ZNF106: variants seen among roughly 807,000 people sequenced by gnomAD.
ZNF106 encodes the protein zinc finger protein 106, also known as SH3-domain binding protein 3.
A neutral mutation model predicts 195.1 loss-of-function variants in ZNF106; 67 were observed. That is an observed-to-expected ratio of 0.34 (90% CI 0.28 to 0.42). The LOEUF (loss-of-function observed/expected upper bound fraction) is 0.42, where lower values mean the gene tolerates loss of function less well. ZNF106 is among the 10% of genes least tolerant of loss of function. The pLI is 1.00. For missense variants in ZNF106, 2,118 were observed against 2,304.5 expected (o/e 0.92, Z 1.66); for synonymous variants, 784 against 818.6 (o/e 0.96, Z 0.72).
In ZNF106 at chr15:42,417,149, C is replaced by T; in HGVS notation, c.*155G>A. 1.5e-6 allele frequency: 1 copy of T among 677,642 alleles called. No individual in the cohort carries two copies. The highest frequency in any genetic ancestry group is 2.5e-6 in the Non-Finnish European group (1 of 400,662). 42.0% of individuals were successfully genotyped at this position (677,642 alleles called of 1,614,324 possible). On this transcript the variant is annotated 3_prime_UTR_variant, in exon 22 of 22. Transcript: ENST00000564754. ...AACTTAAAAGTGTAATTTATCATCC[C>T]ATAGAGCTGCCCAGACTTATGCTAG... is the stretch of plus-strand genomic sequence containing the variant.
intron 3 of ZNF106, among the ~76,000 whole-genome samples, chr15:42,458,215 C>A (rs2056295120): frequency 6.6e-6 from 1 of 151,672 alleles, no homozygotes; most frequent in African/African-American, 2.4e-5. Flanking sequence ...AAAAAACCAA[C>A]AACCCAAAAG....
intron 20 of ZNF106, among the ~76,000 whole-genome samples, chr15:42,420,590 A>T (rs1177910498): frequency 2.6e-5 from 4 of 151,444 alleles, no homozygotes; most frequent in Non-Finnish European, 5.9e-5. Context: ...AGAACTGACG[A>T]AAAAAAAATT....
chr15:42,437,234 C>T lies in ZNF106; in HGVS notation c.4744G>A (p.Val1582Met). 3 of 1,610,290 alleles carry T rather than the reference C, an allele frequency of 1.9e-6. No individual in the cohort carries two copies. Among genetic ancestry groups the T allele is most frequent in the Non-Finnish European group, 2.5e-6 (3 of 1,178,528 alleles). Residue 1582 changes from valine to methionine, a missense_variant and splice_region_variant, in exon 13 of 22, where the codon GTG becomes ATG. Physicochemically the swap from Val to Met is conservative, Grantham distance 21. Transcript: ENST00000564754. ...TTCTACATGTTCTATCAACTTACCA[C>T]CAGATTATAAACCCGAACAGTTTTA... is the stretch of plus-strand genomic sequence containing the variant. Reference protein sequence around the residue: ...ADKTVRVYNLVSRKCIGVFEG... With the variant: ...ADKTVRVYNLMSRKCIGVFEG...
At chr15:42,446,850 A>G (rs2055793337) in intron 6 of ZNF106, among the ~76,000 whole-genome samples, 192 bp from the exon 7 acceptor site, 1 of 152,252 alleles carries the variant, frequency 6.6e-6, no homozygotes, top group Admixed American at 6.5e-5. Flanking sequence ...TGATTTAAAA[A>G]AAAAGAATCC....
At position 42,417,345 on chromosome 15, in the gene ZNF106, T is replaced by C. The variant is rs2054494736; in HGVS notation, c.5680A>G (p.Ile1894Val). The change falls in exon 22 of 22, where the codon ATT becomes GTT. Residue 1894 changes from isoleucine (I) to valine (V), a missense_variant. Ile to Val is a conservative substitution (Grantham distance 29). Coordinates refer to ENST00000564754, the MANE Select transcript of ZNF106 (RefSeq NM_001366845.3). The part of the protein sequence containing the change: ...KGSKQDAAGH[I>V]ERHAEDDSKI... ...CTGTCATCTTCAGCATGTCGTTCAA[T>C]ATGTCCTGCAGCATCCTAGGAATGA... 1 of 1,613,954 alleles carries C rather than the reference T, an allele frequency of 6.2e-7. No individual in the cohort carries two copies. Among genetic ancestry groups the C allele is most frequent in the Admixed American group, 1.7e-5 (1 of 59,988 alleles).
Position 42,437,258 on chromosome 15 carries a change from T to C in ZNF106, c.4720A>G (p.Lys1574Glu). ...GNLLYTCSAD[K>E]TVRVYNLVSR... ...ACCAGATTATAAACCCGAACAGTTT[T>C]ATCTGCTGAACAGGTATATAGCAAG... The change falls in exon 13 of 22, where the codon AAA becomes GAA. Residue 1574 changes from lysine to glutamate, a missense_variant. Lys to Glu is a moderately conservative substitution (Grantham distance 56, BLOSUM62 1). Coordinates refer to ENST00000564754, the MANE Select transcript of ZNF106 (RefSeq NM_001366845.3). 2.5e-6 allele frequency: 4 copies of C among 1,613,638 alleles called. No individual in the cohort carries two copies. Among genetic ancestry groups the C allele is most frequent in the Non-Finnish European group, 3.4e-6 (4 of 1,179,772 alleles).
At chr15:42,431,389 C>CTTTTTTTTTTTTTTTTT (rs552325544) in intron 14 of ZNF106, among the ~76,000 whole-genome samples, 3 of 121,092 alleles carry the variant, frequency 2.5e-5, no homozygotes, top group Non-Finnish European at 3.6e-5. Context: ...TTATACGGTT[C>CTTTTTTTTTTTTTTTTT]TTTTTTTTTT....
intron 11 of ZNF106, 87 bp from the exon 12 acceptor site, chr15:42,438,754 C>A: frequency 7.9e-7 from 1 of 1,262,016 alleles, no homozygotes; most frequent in South Asian, 1.3e-5. Flanking sequence ...AAGGATTTTT[C>A]TAAACAATGG....
intron 1 of ZNF106, among the ~76,000 whole-genome samples, chr15:42,483,589 T>C (rs1366199880): frequency 6.6e-6 from 1 of 152,274 alleles, no homozygotes; most frequent in Non-Finnish European, 1.5e-5. Flanking sequence ...TTATGTTTTA[T>C]GCCTTTGTCC....
intron 2 of ZNF106, among the ~76,000 whole-genome samples, chr15:42,469,195 A>AAT (rs1433568718): frequency 6.6e-6 from 1 of 152,072 alleles, no homozygotes; most frequent in East Asian, 1.9e-4. Context: ...AAAAAAAAAA[A>AAT]CTTCTCAAGT....
In ZNF106 at chr15:42,450,575, T is replaced by C. The variant is rs766909002; in HGVS notation, c.1697A>G (p.Gln566Arg). The C allele has an allele frequency of 1.6e-5, 26 of 1,614,082 alleles. No homozygotes were observed. In the East Asian group the frequency reaches 5.3e-4, roughly 33 times the overall value. Residue 566 changes from glutamine (Q) to arginine (R), a missense_variant, in exon 5 of 22, where the codon CAG (glutamine) becomes CGG (arginine). Coordinates refer to ENST00000564754, the MANE Select transcript of ZNF106 (RefSeq NM_001366845.3). The stretch of plus-strand genomic sequence containing the variant: ...TGGATTTTGCAATGACTCATGACAC[T>C]GTAGCACCTCTTTGGCCTTTCGTAA... The part of the protein sequence containing the change: ...DTLRKAKEVL[Q>R]CHESLQNPLL...
intron 6 of ZNF106, among the ~76,000 whole-genome samples, chr15:42,447,091 C>A (rs1021422698): frequency 6.6e-6 from 1 of 152,250 alleles, no homozygotes; most frequent in African/African-American, 2.4e-5. Flanking sequence ...GACAATCCCT[C>A]AGCTTGAAGT....
At position 42,455,165 on chromosome 15, in the gene ZNF106, T is replaced by C. The variant is rs543640491; in HGVS notation, c.317+1793A>G. 1.9e-3 allele frequency among the ~76,000 whole-genome samples: 292 copies of C among 152,302 alleles called. 1 individual carries two copies. The highest frequency in any genetic ancestry group is 6.8e-3 in the African/African-American group (281 of 41,566). On this transcript the variant is annotated intron_variant, in intron 4 of 21. Transcript: ENST00000564754. ...TCATTTGAAGGACTAAGCTACTAAA[T>C]GATTTAAGAACCATGTGGTTTGAGT...
At chr15:42,435,294 T>A (rs2055231050) in intron 14 of ZNF106, 90 bp downstream of exon 14, 3 of 1,546,134 alleles carry the variant, frequency 1.9e-6, no homozygotes, top group Non-Finnish European at 2.6e-6. Context: ...GTGGGTAGAA[T>A]GAAGCGTCTG....
intron 2 of ZNF106, among the ~76,000 whole-genome samples, chr15:42,470,955 G>A (rs1212582205): frequency 2.0e-5 from 3 of 151,782 alleles, no homozygotes; most frequent in Non-Finnish European, 4.4e-5. Context: ...CAGAAATCTA[G>A]ATAGAAAAAA....
At chr15:42,437,518 A>C in intron 12 of ZNF106, 141 bp from the exon 13 acceptor site, 1 of 975,824 alleles carries the variant, frequency 1.0e-6, no homozygotes, top group Non-Finnish European at 1.5e-6. Context: ...CTATCAGACT[A>C]CTACAATTTT....
At chr15:42,464,197 G>A (rs989572732) in intron 3 of ZNF106, among the ~76,000 whole-genome samples, 5 of 147,444 alleles carry the variant, frequency 3.4e-5, no homozygotes, top group East Asian at 1.9e-4. Context: ...AAAATTAGCC[G>A]GATGTGGTGA....
chr15:42,431,406 T>C (rs1241110645), intron 14 of ZNF106, among the ~76,000 whole-genome samples: 1 of 151,078 alleles, frequency 6.6e-6, no homozygotes, highest in African/African-American at 2.4e-5. Flanking sequence ...TTTTTTTTTT[T>C]TCTTGAAATG....
intron 7 of ZNF106, among the ~76,000 whole-genome samples, chr15:42,446,233 G>C (rs2055763453): frequency 6.6e-6 from 1 of 152,174 alleles, no homozygotes; most frequent in South Asian, 2.1e-4. Context: ...ATCAGTGTTT[G>C]ATAAATGACA....
Sources: allele counts gnomAD v4.1 joint callset (sites outside exome capture counted in the v4.1 genomes callset), GRCh38; gene constraint gnomAD v4.1.1; transcripts MANE v1.5; gene names NCBI Gene and HGNC (gene_info 2026-07-23, HGNC 2026-07-21).